The following PCGF3 variants were observed in gnomAD, a reference collection of about 807,000 sequenced individuals.
The protein encoded by PCGF3 is polycomb group ring finger 3.
PCGF3 carries 7 observed loss-of-function variants against 33.1 expected under a neutral mutation model. The observed-to-expected ratio is 0.21, with a 90% confidence interval of 0.12 to 0.40. PCGF3 has a LOEUF of 0.40. Ranked by LOEUF, PCGF3 falls within the 10% of genes least tolerant of loss-of-function variation. PCGF3 has a pLI of 1.00. For missense variants in PCGF3, 211 were observed against 313.3 expected, an observed-to-expected ratio of 0.67 and a Z score of 2.46; for synonymous variants, 153 against 121.3, an observed-to-expected ratio of 1.26 and a Z score of -1.72.
chr4:734,671 A>G (rs1160293217), intron 4 of PCGF3: 11 of 1,300,992 alleles, frequency 8.5e-6, no homozygotes, highest in African/African-American at 1.5e-5. Flanking sequence ...TCATCTCCCC[A>G]TTCTAAGTTT....
Position 720,947 on chromosome 4 carries a change from G to A in PCGF3, c.-189-9683G>A, listed in dbSNP as rs991668104. 6.6e-6 allele frequency among the ~76,000 whole-genome samples: 1 copy of A among 152,164 alleles called. No homozygotes were observed. Among genetic ancestry groups the A allele is most frequent in the African/African-American group, 2.4e-5 (1 of 41,432 alleles). ...CTGGGCGGGTTTCACCACTTGGACG[G>A]GAGCTCTGGCATGGTCCAGGGAGTG... On this transcript the variant is annotated intron_variant, in intron 1 of 10. Coordinates refer to ENST00000362003, the Ensembl canonical transcript of PCGF3. The surrounding 1 kb of genome is among the most constrained non-coding windows in gnomAD (Gnocchi z 5.6).
At chr4:713,490 G>T (rs7676543) in intron 1 of PCGF3, among the ~76,000 whole-genome samples, 2 of 132,976 alleles carry the variant, frequency 1.5e-5, no homozygotes, top group Non-Finnish European at 1.6e-5. Flanking sequence ...TGTGTGGCCT[G>T]GTGGGGGCTG....
rs891806643 is a variant in PCGF3 at position 727,029 on chromosome 4, CT to C, written c.-189-3600del. 3.5e-4 allele frequency among the ~76,000 whole-genome samples: 54 copies of C among 152,308 alleles called. No homozygotes were observed. The Middle Eastern group carries it at 0.01, about 29-fold the overall frequency. ...CGTGTGTGCGCTCCTGCGTCTGCCC[CT>C]CTCCCCTGTGGGATCGTGGGCACCT... On this transcript the variant is annotated intron_variant, in intron 1 of 10. Transcript: ENST00000362003.
At chr4:768,860 A>G (rs933292043) in exon 11 of PCGF3, 3 of 152,584 alleles carry the variant, frequency 2.0e-5, no homozygotes, top group African/African-American at 7.2e-5. Context: ...GTATGTTTTT[A>G]TGTGGATGAA....
exon 11 of PCGF3, chr4:768,695 T>G (rs1192447768): frequency 1.3e-5 from 2 of 151,240 alleles, no homozygotes; most frequent in Admixed American, 6.6e-5. Context: ...AAAGAAAACT[T>G]AACTTTATAA....
At chr4:738,092 G>A (rs1207138837) in intron 6 of PCGF3, among the ~76,000 whole-genome samples, 1 of 152,266 alleles carries the variant, frequency 6.6e-6, no homozygotes, top group Non-Finnish European at 1.5e-5. Flanking sequence ...GACCGGCAAG[G>A]AGGCCAAGGA....
rs1456082956 is a variant in PCGF3 at position 720,376 on chromosome 4, A to G, written c.-189-10254A>G. Among the ~76,000 whole-genome samples the G allele has an allele frequency of 6.6e-6, 1 of 152,100 alleles. No homozygotes were observed. The highest frequency in any genetic ancestry group is 2.4e-5 in the African/African-American group (1 of 41,428). On this transcript the variant is annotated intron_variant, in intron 1 of 10. Coordinates refer to ENST00000362003, the Ensembl canonical transcript of PCGF3. The surrounding 1 kb of genome is among the most constrained non-coding windows in gnomAD (Gnocchi z 5.6). ...GTGGAGGGTGACTGTGCAGGAGGAC[A>G]GAGTGCCACAAGGGAGAGCAGCAGA...
At chr4:729,564 G>C (rs936380161) in intron 1 of PCGF3, among the ~76,000 whole-genome samples, 1 of 152,206 alleles carries the variant, frequency 6.6e-6, no homozygotes, top group Non-Finnish European at 1.5e-5. Context: ...TATTCCGGAA[G>C]CCTGGCTTTG....
intron 4 of PCGF3, chr4:734,594 AAAGTATT>A (rs1254912632): frequency 6.8e-6 from 8 of 1,171,162 alleles, no homozygotes; most frequent in Non-Finnish European, 7.4e-6. Context: ...CTTTTAGGAC[AAAGTATT>A]GTAAAATTAT....
chr4:744,159 T>G (rs1190024579), intron 7 of PCGF3, among the ~76,000 whole-genome samples: 1 of 151,940 alleles, frequency 6.6e-6, no homozygotes, highest in Admixed American at 6.6e-5. Flanking sequence ...AGGAAGCGAG[T>G]CTGGGAACCA....
chr4:742,815 C>T (rs543675679), intron 6 of PCGF3, among the ~76,000 whole-genome samples: 156 of 152,294 alleles, frequency 1.0e-3, no homozygotes, highest in African/African-American at 3.6e-3. Context: ...AGGGGGCGCT[C>T]TTAACCCACT....
chr4:715,315 G>A (rs1742766428), intron 1 of PCGF3, among the ~76,000 whole-genome samples: 1 of 140,370 alleles, frequency 7.1e-6, no homozygotes, highest in African/African-American at 2.7e-5. Context: ...CTGGGACCCT[G>A]TAGACACTGA....
At chr4:743,526 G>T in exon 7 of PCGF3, 1 of 1,613,790 alleles carries the variant, frequency 6.2e-7, no homozygotes, top group Non-Finnish European at 8.5e-7. Context: ...TGGAGGTGCC[G>T]GGAGACATCA....
At chr4:752,337 C>T (rs748945306) in intron 8 of PCGF3, among the ~76,000 whole-genome samples, 1 of 152,266 alleles carries the variant, frequency 6.6e-6, no homozygotes, top group African/African-American at 2.4e-5. Flanking sequence ...TCAGGTGACT[C>T]ATTTGCTTCA....
At chr4:710,746 C>G (rs1022290277) in intron 1 of PCGF3, among the ~76,000 whole-genome samples, 1 of 152,032 alleles carries the variant, frequency 6.6e-6, no homozygotes, top group African/African-American at 2.4e-5. Flanking sequence ...GCCAAAAGAC[C>G]CCCCCACAAA....
intron 8 of PCGF3, among the ~76,000 whole-genome samples, chr4:758,666 AG>A (rs1560217496): frequency 3.5e-4 from 10 of 28,284 alleles, no homozygotes; most frequent in South Asian, 1.6e-3. Flanking sequence ...TCCGGACTCC[AG>A]GTCTTTCTCC....
intron 1 of PCGF3, among the ~76,000 whole-genome samples, chr4:730,377 CA>C (rs1462280124): frequency 6.6e-6 from 1 of 152,204 alleles, no homozygotes; most frequent in Admixed American, 6.5e-5. Flanking sequence ...GCTGCCCCCC[CA>C]CCCCCGTGGG....
intron 8 of PCGF3, among the ~76,000 whole-genome samples, chr4:754,878 G>A (rs181439477): frequency 1.2e-3 from 179 of 152,352 alleles, no homozygotes; most frequent in African/African-American, 4.2e-3. Flanking sequence ...TGCGGGTGCA[G>A]CACTGGGTTT....
rs139579268 is a variant in PCGF3 at position 729,023 on chromosome 4, C to G, written c.-189-1607C>G. ...GCTGAGGCACAAGAATTGCTTGAAT[C>G]TGGAAAGTGGAGGTTACAGTGAGCC... On this transcript the variant is annotated intron_variant, in intron 1 of 10. Coordinates refer to ENST00000362003, the Ensembl canonical transcript of PCGF3. 4.4e-5 allele frequency among the ~76,000 whole-genome samples: 6 copies of G among 135,722 alleles called. No individual in the cohort carries two copies. In the South Asian group the frequency reaches 1.5e-3, roughly 33 times the overall value. 89.0% of individuals were successfully genotyped at this position (135,722 alleles called of 152,430 possible).
Sources: allele counts gnomAD v4.1 joint callset (sites outside exome capture counted in the v4.1 genomes callset), GRCh38; gene constraint gnomAD v4.1.1; non-coding constraint Gnocchi (gnomAD v3.1); transcripts MANE v1.5; gene names NCBI Gene and HGNC (gene_info 2026-07-23, HGNC 2026-07-21).